The following SPAG16 variants were observed in gnomAD, a reference collection of about 807,000 sequenced individuals.
SPAG16 encodes sperm associated antigen 16.
A neutral mutation model predicts 80.4 loss-of-function variants in SPAG16; 86 were observed. The ratio of observed to expected loss-of-function variants is 1.07; its 90% CI spans 0.90 to 1.28. SPAG16 has a LOEUF of 1.28. Among genes scored for constraint, SPAG16 ranks in the 50% most tolerant of loss-of-function variants. SPAG16 has a pLI of 0.00. For missense variants in SPAG16, 870 were observed against 765.3 expected, an observed-to-expected ratio of 1.14 and a Z score of -1.61; for synonymous variants, 294 against 265.9, an observed-to-expected ratio of 1.11 and a Z score of -1.03.
chr2:213,672,029 G>A (rs1044428438), intron 10 of SPAG16, among the ~76,000 whole-genome samples: 1 of 152,168 alleles, frequency 6.6e-6, no homozygotes, highest in African/African-American at 2.4e-5. Flanking sequence ...TAGCCATAGA[G>A]TCTTTCCCCT....
intron 14 of SPAG16, among the ~76,000 whole-genome samples, chr2:214,109,286 G>T (rs2053552093): frequency 1.3e-5 from 2 of 152,168 alleles, no homozygotes; most frequent in Middle Eastern, 3.4e-3. Context: ...TCTTTAAAAG[G>T]GTTCAGATAG....
At chr2:213,422,437 T>G in intron 9 of SPAG16, 1 of 619,716 alleles carries the variant, frequency 1.6e-6, no homozygotes, top group Non-Finnish European at 2.9e-6. Context: ...TCTCACTTGC[T>G]CACACACCCC....
At chr2:213,534,330 A>G (rs946126545) in intron 10 of SPAG16, among the ~76,000 whole-genome samples, 2 of 152,034 alleles carry the variant, frequency 1.3e-5, no homozygotes, top group Non-Finnish European at 2.9e-5. Context: ...CTGGTTGGCA[A>G]TTTCTCGAAA....
chr2:214,362,931 G>C (rs1699269986), intron 15 of SPAG16, among the ~76,000 whole-genome samples: 1 of 151,806 alleles, frequency 6.6e-6, no homozygotes, highest in Non-Finnish European at 1.5e-5. Context: ...CCCAATTTTT[G>C]TCATTTCCAT....
Position 213,480,612 on chromosome 2 carries a change from T to C in SPAG16, c.943-9351T>C, listed in dbSNP as rs78523984. Among the ~76,000 whole-genome samples the C allele has an allele frequency of 4.7e-3, 719 of 152,330 alleles. 8 individuals carry two copies. The highest frequency in any genetic ancestry group is 0.016 in the African/African-American group (673 of 41,572). On this transcript the variant is annotated intron_variant, in intron 9 of 15. Coordinates refer to ENST00000331683, the MANE Select transcript of SPAG16 (RefSeq NM_024532.5). ...CATTAATTCACTTTGGTGTAAAGCATTGTCTAGCACTATTTCAGCACCCAG... is the reference window on the plus strand; with the variant it reads ...CATTAATTCACTTTGGTGTAAAGCACTGTCTAGCACTATTTCAGCACCCAG...
At chr2:214,187,212 A>C in intron 15 of SPAG16, among the ~76,000 whole-genome samples, 1 of 152,128 alleles carries the variant, frequency 6.6e-6, no homozygotes, top group East Asian at 1.9e-4. Context: ...ATATCCCCAC[A>C]CACACACACA....
chr2:213,295,826 A>G (rs1270265503), intron 1 of SPAG16, among the ~76,000 whole-genome samples: 1 of 152,190 alleles, frequency 6.6e-6, no homozygotes, highest in Non-Finnish European at 1.5e-5. Context: ...CAAAAGACAG[A>G]TAGCAATGTA....
chr2:214,119,510 C>A (rs2054109166), intron 14 of SPAG16, among the ~76,000 whole-genome samples: 1 of 151,998 alleles, frequency 6.6e-6, no homozygotes, highest in Admixed American at 6.6e-5. Flanking sequence ...AGCAGGGAGC[C>A]TCACCTGACT....
At chr2:213,974,050 A>T (rs1262059382) in intron 12 of SPAG16, among the ~76,000 whole-genome samples, 1 of 152,130 alleles carries the variant, frequency 6.6e-6, no homozygotes, top group Non-Finnish European at 1.5e-5. Context: ...TTTGTAGCTT[A>T]ACTAGGATTT....
chr2:213,438,912 C>T (rs1053649407), intron 9 of SPAG16, among the ~76,000 whole-genome samples: 4 of 152,170 alleles, frequency 2.6e-5, no homozygotes, highest in Non-Finnish European at 5.9e-5. Context: ...TGTTAACTTT[C>T]TGTGGCGCCA....
intron 10 of SPAG16, among the ~76,000 whole-genome samples, chr2:213,706,864 A>G (rs1345158372): frequency 6.6e-6 from 1 of 152,236 alleles, no homozygotes; most frequent in African/African-American, 2.4e-5. Flanking sequence ...GACTGAAGCT[A>G]GAGAATCTGC....
chr2:213,665,087 C>T (rs1370473243), intron 10 of SPAG16, among the ~76,000 whole-genome samples: 1 of 152,022 alleles, frequency 6.6e-6, no homozygotes, highest in Non-Finnish European at 1.5e-5. Flanking sequence ...TTCCCTTGCA[C>T]ATTTCAGCTT....
intron 10 of SPAG16, among the ~76,000 whole-genome samples, chr2:213,663,881 G>T (rs1559355435): frequency 2.6e-5 from 4 of 152,014 alleles, no homozygotes; most frequent in African/African-American, 9.7e-5. Flanking sequence ...AAATTAAATT[G>T]TATCTGTGGT....
At chr2:213,379,813 C>G (rs2067073889) in intron 9 of SPAG16, among the ~76,000 whole-genome samples, 1 of 152,188 alleles carries the variant, frequency 6.6e-6, no homozygotes, top group East Asian at 1.9e-4. Flanking sequence ...AGTGGAAGTC[C>G]ATGTTCCTGG....
intron 10 of SPAG16, among the ~76,000 whole-genome samples, chr2:213,704,105 C>T (rs115013768): frequency 7.2e-4 from 110 of 152,282 alleles, no homozygotes; most frequent in African/African-American, 2.6e-3. Flanking sequence ...ATTCACTGGG[C>T]AGCCTTATCA....
chr2:213,609,691 A>G (rs1025955518), intron 10 of SPAG16, among the ~76,000 whole-genome samples: 1 of 151,268 alleles, frequency 6.6e-6, no homozygotes, highest in African/African-American at 2.4e-5. Context: ...TTTCCTTTTC[A>G]CTCCAAACTG....
At position 213,288,403 on chromosome 2, in the gene SPAG16, C is replaced by T. The variant is rs78560295; in HGVS notation, c.136+3784C>T. Among the ~76,000 whole-genome samples the T allele has an allele frequency of 2.6e-3, 389 of 152,242 alleles. 3 individuals are homozygous for T. The highest frequency in any genetic ancestry group is 8.6e-3 in the African/African-American group (356 of 41,550). On this transcript the variant is annotated intron_variant, in intron 1 of 15. Coordinates refer to ENST00000331683, the MANE Select transcript of SPAG16 (RefSeq NM_024532.5). ...CACTGCAAGCTCTGCCTCCCGGATTCGTGCCATTCTGCTGCCCCAGCCTCC... is the reference window on the plus strand; with the variant it reads ...CACTGCAAGCTCTGCCTCCCGGATTTGTGCCATTCTGCTGCCCCAGCCTCC...
intron 6 of SPAG16, among the ~76,000 whole-genome samples, chr2:213,343,191 G>A (rs2064788368): frequency 1.3e-5 from 2 of 152,110 alleles, no homozygotes; most frequent in South Asian, 4.1e-4. Flanking sequence ...ACAGTGCTGG[G>A]AGATGCAGGA....
chr2:213,860,555 G>C (rs1279028525), intron 10 of SPAG16, among the ~76,000 whole-genome samples: 1 of 151,186 alleles, frequency 6.6e-6, no homozygotes, highest in African/African-American at 2.4e-5. Flanking sequence ...GGACAAATCA[G>C]AGTGTGATTA....
Sources: gnomAD v4.1 joint callset for allele counts (sites outside exome capture counted in the v4.1 genomes callset) on GRCh38, gnomAD v4.1.1 for gene constraint, MANE v1.5 for transcripts, NCBI Gene and HGNC (gene_info 2026-07-23, HGNC 2026-07-21) for gene names.